The following EQTN variants were observed in gnomAD, a reference collection of about 807,000 sequenced individuals.
The protein encoded by EQTN is equatorin.
EQTN carries 29 observed loss-of-function variants against 26.9 expected under a neutral mutation model. That is an observed-to-expected ratio of 1.08 (90% confidence interval 0.80 to 1.47). The LOEUF (loss-of-function observed/expected upper bound fraction) is 1.47. Among genes scored for constraint, EQTN ranks in the 40% most tolerant of loss-of-function variants. EQTN has a pLI of 0.00. For missense variants in EQTN, 391 were observed against 346.1 expected (o/e 1.13, Z -1.03); for synonymous variants, 129 against 120.0 (o/e 1.07, Z -0.49).
At chr9:27,294,558 G>C (rs1700319376) in intron 2 of EQTN, 156 bp from the exon 3 acceptor site, 2 of 419,962 alleles carry the variant, frequency 4.8e-6, no homozygotes, top group Non-Finnish European at 8.4e-6. Context: ...ATAAGAAAGT[G>C]GGGCAAGGGT....
At chr9:27,285,132 C>CTT (rs1820093064) in intron 7 of EQTN, among the ~76,000 whole-genome samples, 160 bp from the exon 8 acceptor site, 2 of 109,230 alleles carry the variant, frequency 1.8e-5, no homozygotes, top group Middle Eastern at 5.6e-3. Context: ...CTTTTCTTTT[C>CTT]CTTTTTTTTT....
chr9:27,285,014 G>T, intron 7 of EQTN, 42 bp from the exon 8 acceptor site: 1 of 1,546,488 alleles, frequency 6.5e-7, no homozygotes, highest in Non-Finnish European at 8.7e-7. Flanking sequence ...GTTTTTAATT[G>T]TGTACATTTG....
At chr9:27,285,388 T>C (rs10967858) in intron 7 of EQTN, among the ~76,000 whole-genome samples, 25,260 of 152,068 alleles carry the variant, frequency 0.17, 2,224 homozygotes, top group Admixed American at 0.19. Context: ...GTGATCCACC[T>C]GCCTTGGCCT....
Position 27,294,355 on chromosome 9 carries a change from C to A in EQTN, c.250G>T (p.Val84Leu). 6.2e-7 allele frequency: 1 copy of A among 1,611,196 alleles called. No homozygotes were observed. The highest frequency in any genetic ancestry group is 1.7e-4 in the Middle Eastern group (1 of 6,056). Residue 84 changes from valine (V) to leucine (L), a missense_variant, in exon 3 of 8, where the codon GTG becomes TTG. Physicochemically the swap from Val to Leu is conservative, Grantham distance 32. Coordinates refer to ENST00000380032, the MANE Select transcript of EQTN (RefSeq NM_020641.3). ...NPNGTESEIS[V>L]RATTDLNFAL... is the part of the protein sequence containing the mutation. ...AAATTCAGGTCAGTTGTGGCTCTCA[C>A]AGATATTTCAGACTCAGTGCCATTT... is the stretch of plus-strand genomic sequence containing the variant.
intron 3 of EQTN, among the ~76,000 whole-genome samples, chr9:27,293,410 C>G (rs1459030535): frequency 6.6e-6 from 1 of 152,172 alleles, no homozygotes; most frequent in African/African-American, 2.4e-5. Flanking sequence ...AACCCTTAGT[C>G]AAAGTTATCC....
chr9:27,286,094 A>G (rs1820113099), intron 7 of EQTN, 115 bp downstream of exon 7: 1 of 1,026,880 alleles, frequency 9.7e-7, no homozygotes, highest in African/African-American at 1.6e-5. Flanking sequence ...ATCAATTTGA[A>G]TGTCGTATGG....
chr9:27,285,540 G>C (rs1170208038), intron 7 of EQTN, among the ~76,000 whole-genome samples: 1 of 152,138 alleles, frequency 6.6e-6, no homozygotes, highest in Non-Finnish European at 1.5e-5. Flanking sequence ...AACAGTAGAA[G>C]TTGCCTTAAT....
At chr9:27,295,604 C>T (rs1056310703) in intron 2 of EQTN, among the ~76,000 whole-genome samples, 1 of 151,790 alleles carries the variant, frequency 6.6e-6, no homozygotes, top group Admixed American at 6.5e-5. Context: ...GAGGCCGAGG[C>T]GGGCGGATCA....
intron 6 of EQTN, among the ~76,000 whole-genome samples, chr9:27,289,112 C>A (rs10967862): frequency 0.39 from 59,285 of 152,028 alleles, 12,560 homozygotes; most frequent in South Asian, 0.49. Context: ...TATGGAAATT[C>A]TGTACGTTCT....
At chr9:27,296,295 A>G (rs1820342051) in intron 2 of EQTN, among the ~76,000 whole-genome samples, 1 of 152,202 alleles carries the variant, frequency 6.6e-6, no homozygotes. Context: ...GTGACAGAGC[A>G]AGACTCTGTC....
In EQTN at chr9:27,297,024, C is replaced by CCCT; in HGVS notation, c.31_32insAGG (p.Pro10_Gly11insGlu). The CCCT allele has an allele frequency of 6.2e-7, 1 of 1,610,852 alleles. No individual in the cohort carries two copies. The highest frequency in any genetic ancestry group is 8.5e-7 in the Non-Finnish European group (1 of 1,177,978). ...AGTGCTACTTTTTAAGGAAAAAACT[C>CCCT]CAGGTATAAAAATAAACAATATAAA... On this transcript the variant is annotated inframe_insertion, in exon 1 of 8. Coordinates refer to ENST00000380032, the MANE Select transcript of EQTN (RefSeq NM_020641.3).
Position 27,284,694 on chromosome 9 carries a change from A to C in EQTN, c.*29T>G. On this transcript the variant is annotated 3_prime_UTR_variant, in exon 8 of 8. Coordinates refer to ENST00000380032, the MANE Select transcript of EQTN (RefSeq NM_020641.3). ...AATTAAAGTTATTTATTCATCAATAAGATTTCTTCACCGGGTTCCTTGATT... is the reference window on the plus strand; with the variant it reads ...AATTAAAGTTATTTATTCATCAATACGATTTCTTCACCGGGTTCCTTGATT... The C allele has an allele frequency of 6.3e-7, 1 of 1,593,368 alleles. No homozygotes were observed. The highest frequency in any genetic ancestry group is 1.8e-5 in the Admixed American group (1 of 56,328).
At position 27,291,049 on chromosome 9, in the gene EQTN, C is replaced by T. The variant is rs377519093; in HGVS notation, c.391G>A (p.Val131Met). 42 of 1,611,742 alleles carry T rather than the reference C, an allele frequency of 2.6e-5. No individual in the cohort carries two copies. Among genetic ancestry groups the T allele is most frequent in the Admixed American group, 6.7e-5 (4 of 59,524 alleles). ...GCTAACATTGTCCAAAATGCAGGCA[C>T]GTTTGGGGTTGATCCTGTTAAAACA... is the stretch of plus-strand genomic sequence containing the variant. ...HKNIQRSTPN[V>M]PAFWTMLAKA... Residue 131 changes from valine (V) to methionine (M), a missense_variant, in exon 5 of 8, where the codon GTG becomes ATG. By Grantham distance (21) the Val-to-Met change is conservative (BLOSUM62 1). Coordinates refer to ENST00000380032, the MANE Select transcript of EQTN (RefSeq NM_020641.3).
In EQTN at chr9:27,285,078, G is replaced by T. The variant is rs540200327; in HGVS notation, c.636-106C>A. The T allele has an allele frequency of 2.1e-5, 16 of 750,262 alleles. No homozygotes were observed. In the African/African-American group the frequency reaches 2.6e-4, roughly 12 times the overall value. 46.5% of individuals were successfully genotyped at this position (750,262 alleles called of 1,614,324 possible). On this transcript the variant is annotated intron_variant, in intron 7 of 7. Transcript: ENST00000380032. ...TTAAAATATACGAATTTTGCCCAAA[G>T]TGTTAGTTACTTAGTAACATTATGT... is the stretch of plus-strand genomic sequence containing the variant.
intron 4 of EQTN, among the ~76,000 whole-genome samples, chr9:27,291,725 T>C (rs140820724): frequency 4.6e-5 from 7 of 152,334 alleles, no homozygotes; most frequent in African/African-American, 1.7e-4. Context: ...AAAAGATTTT[T>C]TTCAGTAGTG....
Position 27,296,642 on chromosome 9 carries a change from T to C in EQTN, c.173A>G (p.Asn58Ser). 2 of 1,566,092 alleles carry C rather than the reference T, an allele frequency of 1.3e-6. No individual in the cohort carries two copies. Among genetic ancestry groups the C allele is most frequent in the South Asian group, 2.3e-5 (2 of 88,454 alleles). Residue 58 changes from asparagine (N) to serine (S), a missense_variant, in exon 2 of 8, where the codon AAT becomes AGT. Coordinates refer to ENST00000380032, the MANE Select transcript of EQTN (RefSeq NM_020641.3). ...TPNYAPANEK[N>S]GNYYKDIKQY... Reference sequence around the variant, plus strand: ...TTTTATATCTTTATAATAATTGCCATTTTTCTCATTAGCAGGAGCATAATT... The same window carrying C: ...TTTTATATCTTTATAATAATTGCCACTTTTCTCATTAGCAGGAGCATAATT...
chr9:27,294,222 G>T, intron 3 of EQTN, 94 bp downstream of exon 3: 1 of 787,954 alleles, frequency 1.3e-6, no homozygotes, highest in Non-Finnish European at 2.0e-6. Context: ...ATTTAGGAAC[G>T]AAGACTTCTT....
chr9:27,294,475 G>GT (rs975745730), intron 2 of EQTN, 73 bp from the exon 3 acceptor site: 3 of 857,006 alleles, frequency 3.5e-6, no homozygotes, highest in South Asian at 2.3e-5. Context: ...CTTCCTCTGA[G>GT]TTTTTTTCTT....
intron 7 of EQTN, 124 bp downstream of exon 7, chr9:27,286,084 AT>A (rs1820112885): frequency 1.0e-6 from 1 of 957,788 alleles, no homozygotes; most frequent in Admixed American, 2.5e-5. Context: ...GGTAAATGGA[AT>A]CAATTTGAAT....
Sources: gnomAD v4.1 joint callset for allele counts (sites outside exome capture counted in the v4.1 genomes callset) on GRCh38, gnomAD v4.1.1 for gene constraint, MANE v1.5 for transcripts, NCBI Gene and HGNC (gene_info 2026-07-23, HGNC 2026-07-21) for gene names.